PHAX: variants seen among roughly 807,000 people sequenced by gnomAD.
The protein encoded by PHAX is phosphorylated adapter RNA export protein.
A neutral mutation model predicts 41.6 loss-of-function variants in PHAX; 31 were observed. That is an observed-to-expected ratio of 0.75 (90% CI 0.56 to 1.01). The LOEUF is 1.01. PHAX is among the 50% of genes least tolerant of loss of function. PHAX has a pLI of 0.00. For missense variants in PHAX, 453 were observed against 472.9 expected, an observed-to-expected ratio of 0.96 and a Z score of 0.39; for synonymous variants, 175 against 164.9, an observed-to-expected ratio of 1.06 and a Z score of -0.47.
At position 126,618,489 on chromosome 5, in the gene PHAX, A is replaced by G. The variant is rs73345313; in HGVS notation, c.915+1156A>G. On this transcript the variant is annotated intron_variant, in intron 4 of 4. Coordinates refer to ENST00000297540, the MANE Select transcript of PHAX (RefSeq NM_032177.4). ...AAATAAAAACAATTTCATAGTATTC[A>G]ATATCTAGACCTTATTCCAATTTCC... 5.1e-3 allele frequency among the ~76,000 whole-genome samples: 781 copies of G among 152,246 alleles called. 6 individuals carry two copies. The highest frequency in any genetic ancestry group is 0.018 in the African/African-American group (743 of 41,548).
rs190869634 is a variant in PHAX, at chr5:126,601,884, C to T, written c.96+826C>T. On this transcript the variant is annotated intron_variant, in intron 1 of 4. Transcript: ENST00000297540. ...GTTTCACCATGTTGCCCAGGCTGGT[C>T]TCGAACTCCTGACCTCAAGTGATCG... Among the ~76,000 whole-genome samples, 279 of 152,334 alleles carry T rather than the reference C, an allele frequency of 1.8e-3. 1 individual carries two copies. Among genetic ancestry groups the T allele is most frequent in the African/African-American group, 6.4e-3 (266 of 41,594 alleles).
At chr5:126,614,866 C>G (rs990990298) in intron 3 of PHAX, among the ~76,000 whole-genome samples, 3 of 152,048 alleles carry the variant, frequency 2.0e-5, no homozygotes, top group East Asian at 1.9e-4. Flanking sequence ...AAGCGATTCT[C>G]CTGCCTCAGC....
intron 3 of PHAX, among the ~76,000 whole-genome samples, chr5:126,612,142 G>A (rs1398017997): frequency 1.3e-5 from 2 of 152,056 alleles, no homozygotes; most frequent in Middle Eastern, 3.2e-3. Context: ...CAAAATTAAT[G>A]CAAAAAATCC....
intron 3 of PHAX, among the ~76,000 whole-genome samples, chr5:126,610,328 T>G (rs999135545): frequency 6.6e-6 from 1 of 152,232 alleles, no homozygotes; most frequent in Non-Finnish European, 1.5e-5. Context: ...GATGAAGGTT[T>G]GAATGACTTC....
intron 1 of PHAX, 56 bp downstream of exon 1, chr5:126,601,114 G>C: frequency 7.6e-7 from 1 of 1,322,736 alleles, no homozygotes; most frequent in Non-Finnish European, 1.1e-6. Context: ...CCTGGGCCCC[G>C]GGGAGCGCGC....
chr5:126,605,510 C>G (rs1216370723), intron 2 of PHAX, among the ~76,000 whole-genome samples: 1 of 151,994 alleles, frequency 6.6e-6, no homozygotes, highest in Non-Finnish European at 1.5e-5. Flanking sequence ...GTGAGAGAGC[C>G]ACCTGAGTAG....
Position 126,600,990 on chromosome 5 carries a change from G to C in PHAX, c.28G>C (p.Asp10His). 6.2e-7 allele frequency: 1 copy of C among 1,604,732 alleles called. No homozygotes were observed. The highest frequency in any genetic ancestry group is 1.1e-5 in the South Asian group (1 of 90,712). The stretch of plus-strand genomic sequence containing the variant: ...GGCGTTGGAGGTCGGCGATATGGAA[G>C]ATGGGCAGCTTTCCGACTCGGATTC... MALEVGDME[D>H]GQLSDSDSDM... Residue 10 changes from aspartate (D) to histidine (H), a missense_variant, in exon 1 of 5, where the codon GAT becomes CAT. Coordinates refer to ENST00000297540, the MANE Select transcript of PHAX (RefSeq NM_032177.4).
chr5:126,618,657 T>G (rs1752223721), intron 4 of PHAX, among the ~76,000 whole-genome samples: 1 of 147,156 alleles, frequency 6.8e-6, no homozygotes, highest in Non-Finnish European at 1.5e-5. Flanking sequence ...AACAAAGTCT[T>G]TTTTTAAAAA....
chr5:126,620,355 G>A (rs1222713790), intron 4 of PHAX, among the ~76,000 whole-genome samples: 2 of 152,130 alleles, frequency 1.3e-5, no homozygotes, highest in East Asian at 3.9e-4. Flanking sequence ...TACCTTCTAA[G>A]TAACTAAACC....
Position 126,617,256 on chromosome 5 carries a change from A to C in PHAX, c.838A>C (p.Ser280Arg). The C allele has an allele frequency of 6.2e-7, 1 of 1,605,630 alleles. No individual in the cohort carries two copies. ...QNGGLFIMNG[S>R]RRRTPGGVFL... ...TTTCTGTTCCTTTTTGTAGAATGGTAGTCGAAGAAGAACACCAGGTGGAGT... is the reference window on the plus strand; with the variant it reads ...TTTCTGTTCCTTTTTGTAGAATGGTCGTCGAAGAAGAACACCAGGTGGAGT... The change falls in exon 4 of 5, where the codon AGT becomes CGT. Residue 280 changes from serine to arginine, a missense_variant. Coordinates refer to ENST00000297540, the MANE Select transcript of PHAX (RefSeq NM_032177.4).
In PHAX at chr5:126,617,572, G is replaced by A. The variant is rs527746274; in HGVS notation, c.915+239G>A. Among the ~76,000 whole-genome samples the A allele has an allele frequency of 1.5e-4, 23 of 152,160 alleles. No homozygotes were observed. In the East Asian group the frequency reaches 3.5e-3, roughly 23 times the overall value. On this transcript the variant is annotated intron_variant, in intron 4 of 4. Coordinates refer to ENST00000297540, the MANE Select transcript of PHAX (RefSeq NM_032177.4). ...CAGCTCACTGCAACCTCCGCCTCCC[G>A]GGTTCAAGTGATTCTCGTGCCTCAG...
chr5:126,603,553 TTTC>T lies in PHAX; in HGVS notation c.97-14_97-12del, dbSNP rs1279890396. The T allele has an allele frequency of 2.5e-6, 4 of 1,579,262 alleles. No homozygotes were observed. In the African/African-American group the frequency reaches 5.4e-5, roughly 22 times the overall value. ...TATGTGTTTTGTGAAATTGATTGTG[TTTC>T]TTTTCACTTGCAGAAAGTGCTAGGT... is the stretch of plus-strand genomic sequence containing the variant. On this transcript the variant is annotated splice_polypyrimidine_tract_variant and intron_variant, in intron 1 of 4. Transcript: ENST00000297540.
At chr5:126,608,007 C>T (rs144490172) in intron 2 of PHAX, among the ~76,000 whole-genome samples, 8 of 152,220 alleles carry the variant, frequency 5.3e-5, no homozygotes, top group Admixed American at 2.6e-4. Context: ...AGCTTTTAGG[C>T]GTAATAATTG....
intron 4 of PHAX, among the ~76,000 whole-genome samples, chr5:126,619,701 G>C (rs1752239822): frequency 1.3e-5 from 2 of 152,096 alleles, no homozygotes; most frequent in Non-Finnish European, 2.9e-5. Flanking sequence ...TAAACTAGAA[G>C]GTGTAGACTC....
intron 4 of PHAX, among the ~76,000 whole-genome samples, chr5:126,618,155 G>T (rs1304686827): frequency 6.6e-6 from 1 of 152,032 alleles, no homozygotes; most frequent in Non-Finnish European, 1.5e-5. Context: ...TGCCCAGGCT[G>T]GTCTGGAACT....
In PHAX at chr5:126,626,048, T is replaced by G. The variant is rs894864630; in HGVS notation, c.*1204T>G. ...TGACTTCTTAATTAACTTGGTCATA[T>G]ACTAAATGTGATCTCCTGTGGATTA... On this transcript the variant is annotated 3_prime_UTR_variant, in exon 5 of 5. Transcript: ENST00000297540. 1 of 152,148 alleles carries G rather than the reference T, an allele frequency of 6.6e-6. No homozygotes were observed. The highest frequency in any genetic ancestry group is 1.5e-5 in the Non-Finnish European group (1 of 68,034). The allele number at this position is 152,148 out of a possible 1,614,324, so 9.4% of individuals were successfully genotyped here.
intron 2 of PHAX, among the ~76,000 whole-genome samples, chr5:126,605,650 G>A (rs1751978144): frequency 6.6e-6 from 1 of 151,526 alleles, no homozygotes; most frequent in Non-Finnish European, 1.5e-5. Context: ...TGCCTGCCTT[G>A]GCCTCCCAAA....
At chr5:126,605,293 C>T (rs531758016) in intron 2 of PHAX, among the ~76,000 whole-genome samples, 33 of 152,118 alleles carry the variant, frequency 2.2e-4, no homozygotes, top group African/African-American at 7.7e-4. Flanking sequence ...TCCCAGATTG[C>T]TGGGATTATA....
chr5:126,617,175 T>C, intron 3 of PHAX, 75 bp from the exon 4 acceptor site: 1 of 826,420 alleles, frequency 1.2e-6, no homozygotes, highest in South Asian at 1.6e-5. Flanking sequence ...CCCTTAATTG[T>C]GTCTCTGTTA....
Sources: gnomAD v4.1 joint callset for allele counts (sites outside exome capture counted in the v4.1 genomes callset) on GRCh38, gnomAD v4.1.1 for gene constraint, MANE v1.5 for transcripts, NCBI Gene and HGNC (gene_info 2026-07-23, HGNC 2026-07-21) for gene names.